RNF217: variants seen among roughly 807,000 people sequenced by gnomAD.
The protein encoded by RNF217 is E3 ubiquitin-protein ligase RNF217.
Under a neutral mutation model 57.8 loss-of-function variants are expected in RNF217, and 31 were observed. That is an observed-to-expected ratio of 0.54 (90% confidence interval 0.40 to 0.72). RNF217 has a LOEUF of 0.72. RNF217 is among the 30% of genes least tolerant of loss of function. The pLI, the probability that RNF217 is intolerant of heterozygous loss-of-function variation, is 0.00. For synonymous variants in RNF217, 313 were observed against 294.0 expected (o/e 1.06, Z -0.66); for missense variants, 696 against 708.3 (o/e 0.98, Z 0.20).
intron 1 of RNF217, among the ~76,000 whole-genome samples, chr6:125,026,781 A>G (rs116403810): frequency 0.031 from 4,667 of 152,260 alleles, 118 homozygotes; most frequent in African/African-American, 0.065. Context: ...TGTGGAAGAC[A>G]AGTGGGGTGT....
chr6:125,035,601 CT>C (rs1786577388), intron 1 of RNF217, among the ~76,000 whole-genome samples: 1 of 152,136 alleles, frequency 6.6e-6, no homozygotes, highest in African/African-American at 2.4e-5. Context: ...TCTTCTCACA[CT>C]TTTGTTTGCA....
At chr6:125,001,909 G>A (rs1007075926) in intron 1 of RNF217, among the ~76,000 whole-genome samples, 3 of 152,204 alleles carry the variant, frequency 2.0e-5, no homozygotes, top group African/African-American at 4.8e-5. Flanking sequence ...TGACAGATGA[G>A]GGAGTATTCT....
At chr6:125,021,142 ATTAT>A (rs541574548) in intron 1 of RNF217, among the ~76,000 whole-genome samples, 2 of 152,304 alleles carry the variant, frequency 1.3e-5, no homozygotes, top group African/African-American at 4.8e-5. Context: ...TTCATCCCAC[ATTAT>A]TTATAATAGC....
At chr6:125,041,793 C>T (rs1311962099) in intron 1 of RNF217, among the ~76,000 whole-genome samples, 1 of 151,808 alleles carries the variant, frequency 6.6e-6, no homozygotes, top group South Asian at 2.1e-4. Context: ...CCCCATGTTT[C>T]CCTCTCCTCT....
intron 1 of RNF217, among the ~76,000 whole-genome samples, chr6:125,043,522 C>G (rs1334709767): frequency 6.6e-6 from 1 of 151,898 alleles, no homozygotes; most frequent in Non-Finnish European, 1.5e-5. Flanking sequence ...GAATTGTGCT[C>G]CATAAATGCC....
intron 1 of RNF217, among the ~76,000 whole-genome samples, chr6:124,967,622 A>G (rs1308541942): frequency 1.3e-5 from 2 of 152,200 alleles, no homozygotes; most frequent in Non-Finnish European, 1.5e-5. Flanking sequence ...CATTTCTTCT[A>G]CAGATTGTGA....
intron 1 of RNF217, among the ~76,000 whole-genome samples, chr6:124,980,294 G>A (rs1337112494): frequency 6.6e-6 from 1 of 152,064 alleles, no homozygotes; most frequent in African/African-American, 2.4e-5. Context: ...TTTGCAATTT[G>A]CTTTTTTTCA....
Position 125,045,288 on chromosome 6 carries a change from TA to T in RNF217, c.962del (p.Asn321ThrfsTer2), listed in dbSNP as rs770415143. On this transcript the variant is annotated frameshift_variant, in exon 2 of 6. Coordinates refer to ENST00000521654, the MANE Select transcript of RNF217 (RefSeq NM_001286398.3). LOFTEE classifies it high-confidence loss of function. ...TCTTGGAAGAAACAACTGTTGTCTA[TA>T]ACTTAACGCATGAAGACTCCATCAA... Reference protein sequence around the residue: ...EFLEETTVVYNLTHEDSIKYK... With the variant: ...EFLEETTVVYXLTHEDSIKYK... The T allele has an allele frequency of 6.2e-7, 1 of 1,613,350 alleles. No individual in the cohort carries two copies. Among genetic ancestry groups the T allele is most frequent in the South Asian group, 1.1e-5 (1 of 91,062 alleles).
intron 1 of RNF217, among the ~76,000 whole-genome samples, chr6:125,032,167 T>C (rs1351980453): frequency 2.0e-5 from 3 of 152,126 alleles, no homozygotes; most frequent in Non-Finnish European, 4.4e-5. Context: ...ACAATTCAAG[T>C]TGAGATTTGG....
rs1257677463 is a variant in RNF217 at position 124,962,650 on chromosome 6, G to A, written c.106G>A (p.Asp36Asn). 2.8e-5 allele frequency: 37 copies of A among 1,332,096 alleles called. No homozygotes were observed. Among genetic ancestry groups the A allele is most frequent in the Non-Finnish European group, 3.4e-5 (36 of 1,052,482 alleles). 82.5% of individuals were successfully genotyped at this position (1,332,096 alleles called of 1,614,324 possible). The part of the protein sequence containing the change: ...GHPEPPRPQG[D>N]SARAPPLRAA... ...CCCTGAGCCCCCGAGGCCTCAGGGG[G>A]ACAGCGCCCGGGCGCCCCCGCTGCG... The change falls in exon 1 of 6, where the codon GAC becomes AAC. Residue 36 changes from aspartate (D) to asparagine (N), a missense_variant. Coordinates refer to ENST00000521654, the MANE Select transcript of RNF217 (RefSeq NM_001286398.3). The surrounding 1 kb of genome is among the most constrained non-coding windows in gnomAD (Gnocchi z 4.6).
chr6:125,009,301 G>T (rs370716145), intron 1 of RNF217: 26 of 1,527,040 alleles, frequency 1.7e-5, no homozygotes, highest in Middle Eastern at 1.7e-4. Flanking sequence ...CATAGATGAA[G>T]AAGCCACATT....
intron 1 of RNF217, among the ~76,000 whole-genome samples, chr6:125,026,182 A>G (rs1447418984): frequency 6.6e-6 from 1 of 152,182 alleles, no homozygotes; most frequent in African/African-American, 2.4e-5. Context: ...CGCTAGCAAC[A>G]TGGCATTATT....
intron 1 of RNF217, among the ~76,000 whole-genome samples, chr6:124,982,231 T>C (rs2115017600): frequency 6.6e-6 from 1 of 152,260 alleles, no homozygotes; most frequent in African/African-American, 2.4e-5. Flanking sequence ...AGATTTATTT[T>C]CCTTTCACAC....
chr6:125,080,161 G>A (rs1398735851), intron 4 of RNF217, among the ~76,000 whole-genome samples: 1 of 152,068 alleles, frequency 6.6e-6, no homozygotes, highest in East Asian at 1.9e-4. Context: ...TAAAATATAT[G>A]TGCTTATATA....
chr6:125,041,209 T>TA (rs1786868506), intron 1 of RNF217, among the ~76,000 whole-genome samples: 1 of 152,094 alleles, frequency 6.6e-6, no homozygotes, highest in African/African-American at 2.4e-5. Flanking sequence ...TTTGTCAATT[T>TA]AAAAAAATCT....
chr6:125,043,110 A>G (rs979488598), intron 1 of RNF217, among the ~76,000 whole-genome samples: 1 of 152,050 alleles, frequency 6.6e-6, no homozygotes, highest in Non-Finnish European at 1.5e-5. Flanking sequence ...CTTTGCTTAC[A>G]GCCTCATCTT....
chr6:125,053,951 G>C (rs1414111468), intron 2 of RNF217, among the ~76,000 whole-genome samples: 1 of 152,052 alleles, frequency 6.6e-6, no homozygotes, highest in Non-Finnish European at 1.5e-5. Context: ...TGATAATATA[G>C]GAATTAGTAA....
chr6:124,979,907 G>T (rs187627289), intron 1 of RNF217, among the ~76,000 whole-genome samples: 1 of 152,300 alleles, frequency 6.6e-6, no homozygotes, highest in Admixed American at 6.5e-5. Context: ...GGTGGAGATG[G>T]CTCTGTCTCA....
intron 2 of RNF217, among the ~76,000 whole-genome samples, chr6:125,049,927 G>A (rs535071508): frequency 6.6e-6 from 1 of 151,934 alleles, no homozygotes; most frequent in East Asian, 1.9e-4. Context: ...AGACCCTTTA[G>A]GGCATCAAAG....
Sources: gnomAD v4.1 joint callset for allele counts (sites outside exome capture counted in the v4.1 genomes callset) on GRCh38, gnomAD v4.1.1 for gene constraint, Gnocchi (gnomAD v3.1) non-coding constraint, MANE v1.5 for transcripts, NCBI Gene and HGNC (gene_info 2026-07-23, HGNC 2026-07-21) for gene names.